The following FOCAD variants were observed in gnomAD, a reference collection of about 807,000 sequenced individuals.
FOCAD encodes the protein focadhesin, also known as KIAA1797.
Under a neutral mutation model 225.6 loss-of-function variants are expected in FOCAD, and 198 were observed. The observed-to-expected ratio is 0.88, with a 90% CI of 0.78 to 0.99. The LOEUF is 0.99. Ranked by LOEUF, FOCAD falls within the 50% of genes least tolerant of loss-of-function variation. The pLI, the probability that FOCAD is intolerant of heterozygous loss-of-function variation, is 0.00. For missense variants in FOCAD, 2,713 were observed against 2,123.6 expected (o/e 1.28, Z -5.46); for synonymous variants, 897 against 755.0 (o/e 1.19, Z -3.08).
intron 29 of FOCAD, 124 bp from the exon 30 acceptor site, chr9:20,946,577 G>A (rs1241708415): frequency 2.9e-6 from 3 of 1,035,496 alleles, no homozygotes; most frequent in Non-Finnish European, 4.2e-6. Context: ...CCCAATCCAT[G>A]GTAAATGTAT....
chr9:20,666,197 T>A (rs2131267879), intron 2 of FOCAD, among the ~76,000 whole-genome samples: 1 of 152,292 alleles, frequency 6.6e-6, no homozygotes, highest in South Asian at 2.1e-4. Flanking sequence ...ATCTCATTGT[T>A]TAAACTATTT....
chr9:20,740,136 G>C, intron 4 of FOCAD, 100 bp from the exon 5 acceptor site: 4 of 728,486 alleles, frequency 5.5e-6, no homozygotes, highest in Non-Finnish European at 9.2e-6. Context: ...TTTAATGTGG[G>C]TGGCAAGTAT....
At chr9:20,749,399 A>G (rs1828346966) in intron 5 of FOCAD, among the ~76,000 whole-genome samples, 1 of 152,146 alleles carries the variant, frequency 6.6e-6, no homozygotes, top group Non-Finnish European at 1.5e-5. Flanking sequence ...GTGTTGTAGG[A>G]TATATAGAAA....
chr9:20,944,684 A>C lies in FOCAD; in HGVS notation c.3465A>C (p.Gln1155His). The change falls in exon 29 of 44, where the codon CAA becomes CAC. Residue 1155 changes from glutamine (Q) to histidine (H), a missense_variant. Physicochemically the swap from Gln to His is conservative, Grantham distance 24. Transcript: ENST00000338382. ...TGTCCCTCATGAGCCACAGCAGCCA[A>C]ATGCAGTCCCGCGTTCACGTAGCAG... ...LVLSLMSHSS[Q>H]MQSRVHVAAL... 1 of 1,614,156 alleles carries C rather than the reference A, an allele frequency of 6.2e-7. No individual in the cohort carries two copies. Among genetic ancestry groups the C allele is most frequent in the African/African-American group, 1.3e-5 (1 of 75,064 alleles).
At chr9:20,952,859 C>T in intron 34 of FOCAD, 126 bp from the exon 35 acceptor site, 1 of 729,568 alleles carries the variant, frequency 1.4e-6, no homozygotes, top group South Asian at 1.6e-5. Context: ...AAGTGTTGTG[C>T]TGAGATTAAT....
At chr9:20,904,850 T>C (rs916262089) in intron 21 of FOCAD, among the ~76,000 whole-genome samples, 3 of 152,056 alleles carry the variant, frequency 2.0e-5, no homozygotes, top group Non-Finnish European at 4.4e-5. Flanking sequence ...AAATTGGACA[T>C]AATTGTCATA....
intron 27 of FOCAD, among the ~76,000 whole-genome samples, chr9:20,931,934 T>C (rs898828222): frequency 6.0e-5 from 9 of 150,874 alleles, no homozygotes; most frequent in Non-Finnish European, 8.8e-5. Context: ...GGGAGAATTA[T>C]GAAAATCATT....
Position 20,988,241 on chromosome 9 carries a change from G to A in FOCAD, c.4907-91G>A. 4 of 710,476 alleles carry A rather than the reference G, an allele frequency of 5.6e-6. No homozygotes were observed. In the South Asian group the frequency reaches 6.1e-5, roughly 11 times the overall value. 44.0% of individuals were successfully genotyped at this position (710,476 alleles called of 1,614,324 possible). A position where few individuals can be genotyped will look rare whatever the true frequency, so the allele number is the denominator to read the frequency against. On this transcript the variant is annotated intron_variant, in intron 40 of 43. Coordinates refer to ENST00000338382, the MANE Select transcript of FOCAD (RefSeq NM_001375567.1). ...CTGGTTAATGGAATCCTCACCAGGT[G>A]TTCTGCTTTAGTTATGATGGTTGTT... is the stretch of plus-strand genomic sequence containing the variant.
chr9:20,884,433 A>T (rs761156579), intron 20 of FOCAD, among the ~76,000 whole-genome samples: 8 of 151,976 alleles, frequency 5.3e-5, no homozygotes, highest in Non-Finnish European at 1.0e-4. Flanking sequence ...AGTAGCTGGG[A>T]TTTCAGGTGT....
In FOCAD at chr9:20,862,665, C is replaced by T. The variant is rs999623679; in HGVS notation, c.2008C>T (p.Leu670=). The change falls in exon 16 of 44, where the codon CTA becomes TTA. Residue 670 remains leucine, a synonymous_variant. Coordinates refer to ENST00000338382, the MANE Select transcript of FOCAD (RefSeq NM_001375567.1). ...RPLILKTLSE[L]FSLVPSLTVN... ...TCTCATTCTGAAGACACTGAGTGAA[C>T]TATTTTCTCTAGTTCCTTCCTTAAC... 5 of 1,613,266 alleles carry T rather than the reference C, an allele frequency of 3.1e-6. No individual in the cohort carries two copies. The African/African-American group carries it at 5.3e-5, about 17-fold the overall frequency.
At chr9:20,793,973 A>T (rs908798606) in intron 11 of FOCAD, among the ~76,000 whole-genome samples, 63 of 152,206 alleles carry the variant, frequency 4.1e-4, no homozygotes, top group African/African-American at 1.3e-3. Context: ...GAAGTGGAGC[A>T]GTAAGTTGAC....
intron 15 of FOCAD, among the ~76,000 whole-genome samples, chr9:20,842,802 C>A (rs1282825135): frequency 6.6e-6 from 1 of 151,874 alleles, no homozygotes; most frequent in Non-Finnish European, 1.5e-5. Flanking sequence ...TACCATACAT[C>A]CTTCCTGTCT....
At chr9:20,732,683 A>T (rs1403920013) in intron 4 of FOCAD, among the ~76,000 whole-genome samples, 26 of 152,148 alleles carry the variant, frequency 1.7e-4, no homozygotes. Context: ...GGTTTGGGGT[A>T]GGCACCTAGA....
intron 26 of FOCAD, chr9:20,927,796 A>C (rs781625095): frequency 6.6e-6 from 1 of 152,244 alleles, no homozygotes; most frequent in South Asian, 2.1e-4. Flanking sequence ...CAGATTCTGA[A>C]CTGTTGCTAA....
intron 21 of FOCAD, among the ~76,000 whole-genome samples, chr9:20,905,076 G>A (rs566606764): frequency 6.6e-6 from 1 of 152,018 alleles, no homozygotes; most frequent in East Asian, 1.9e-4. Context: ...TCTTCATTAA[G>A]AGAAAAAGCA....
chr9:20,888,106 C>G (rs1276324743), intron 21 of FOCAD, among the ~76,000 whole-genome samples: 2 of 136,910 alleles, frequency 1.5e-5, no homozygotes, highest in Non-Finnish European at 1.6e-5. Context: ...TAGTGTGTTA[C>G]ATGTCTTTTC....
intron 37 of FOCAD, among the ~76,000 whole-genome samples, chr9:20,980,027 G>T (rs1201499697): frequency 6.6e-6 from 1 of 152,002 alleles, no homozygotes; most frequent in Non-Finnish European, 1.5e-5. Context: ...CTTGCTTGTA[G>T]TCATTCCCCA....
Position 20,946,743 on chromosome 9 carries a change from A to C in FOCAD, c.3598A>C (p.Ser1200Arg). 6.2e-7 allele frequency: 1 copy of C among 1,613,772 alleles called. No individual in the cohort carries two copies. The highest frequency in any genetic ancestry group is 2.2e-5 in the East Asian group (1 of 44,860). The change falls in exon 30 of 44, where the codon AGT becomes CGT. Residue 1200 changes from serine to arginine, a missense_variant. By Grantham distance (110) the Ser-to-Arg change is moderately radical. Transcript: ENST00000338382. Reference protein sequence around the residue: ...TLSCVCTSAFSAGIIEATEAE... With the variant: ...TLSCVCTSAFRAGIIEATEAE... ...TAGCTGTGTATGTACATCAGCGTTC[A>C]GTGCTGGAATTATTGAGGCTACAGA...
chr9:20,706,120 A>C (rs1275120676), intron 1 of FOCAD, among the ~76,000 whole-genome samples: 1 of 151,698 alleles, frequency 6.6e-6, no homozygotes, highest in African/African-American at 2.4e-5. Context: ...CTTTTTGTAG[A>C]GATGGAGTCT....
Sources: allele counts gnomAD v4.1 joint callset (sites outside exome capture counted in the v4.1 genomes callset), GRCh38; gene constraint gnomAD v4.1.1; transcripts MANE v1.5; gene names NCBI Gene and HGNC (gene_info 2026-07-23, HGNC 2026-07-21).